The following OGA variants were observed in gnomAD, a reference collection of about 807,000 sequenced individuals.
OGA encodes the protein protein O-GlcNAcase.
OGA carries 21 observed loss-of-function variants against 102.0 expected under a neutral mutation model. The observed-to-expected ratio is 0.21, with a 90% CI of 0.15 to 0.30. OGA has a LOEUF of 0.30. Ranked by LOEUF, OGA falls within the 10% of genes least tolerant of loss-of-function variation. The pLI is 1.00. For missense variants in OGA, 765 were observed against 1,107.8 expected, an observed-to-expected ratio of 0.69 and a Z score of 4.39; for synonymous variants, 408 against 378.2, an observed-to-expected ratio of 1.08 and a Z score of -0.91.
chr10:101,816,735 T>C (rs2065630985), intron 1 of OGA, among the ~76,000 whole-genome samples: 1 of 152,216 alleles, frequency 6.6e-6, no homozygotes, highest in African/African-American at 2.4e-5. Flanking sequence ...TGCCTTACTG[T>C]AGCAGCAAAG....
intron 7 of OGA, among the ~76,000 whole-genome samples, chr10:101,802,402 G>A (rs963543420): frequency 2.0e-5 from 3 of 151,946 alleles, no homozygotes; most frequent in Non-Finnish European, 2.9e-5. Context: ...GGCTGGGCGC[G>A]ATGGCTCACG....
chr10:101,803,950 G>A lies in OGA; in HGVS notation c.821C>T (p.Ala274Val), dbSNP rs2065432140. ...ATGAATGTTATCCCAGATTACTGGA[G>A]CTCTCTTAATAATCTTAGAAACCTC... ...IEEVSKIIKRAPVIWDNIHAN... is the reference protein window; with the variant it reads ...IEEVSKIIKRVPVIWDNIHAN... The change falls in exon 7 of 16, where the codon GCT (alanine) becomes GTT (valine). Residue 274 changes from alanine (A) to valine (V), a missense_variant. This residue lies in a region of OGA where 165 missense variants were observed against 249.7 expected (regional missense o/e 0.66). Transcript: ENST00000361464. 10 of 1,613,686 alleles carry A rather than the reference G, an allele frequency of 6.2e-6. No homozygotes were observed. Among genetic ancestry groups the A allele is most frequent in the Non-Finnish European group, 6.8e-6 (8 of 1,179,570 alleles).
intron 8 of OGA, among the ~76,000 whole-genome samples, chr10:101,799,697 T>G (rs190693640): frequency 8.0e-4 from 122 of 152,316 alleles, no homozygotes; most frequent in Middle Eastern, 6.8e-3. Context: ...TTTTGAAAAT[T>G]TGTGTCTAAA....
intron 11 of OGA, chr10:101,793,712 G>T (rs557786082): frequency 4.2e-6 from 2 of 477,808 alleles, no homozygotes; most frequent in African/African-American, 4.0e-5. Flanking sequence ...TCGCAGGCGC[G>T]GGGGGGATTG....
In OGA at chr10:101,785,943, T is replaced by C. The variant is rs2135018997; in HGVS notation, c.*508A>G. The C allele has an allele frequency of 6.6e-6, 1 of 152,384 alleles. No homozygotes were observed. Among genetic ancestry groups the C allele is most frequent in the East Asian group, 1.9e-4 (1 of 5,190 alleles). 9.4% of individuals were successfully genotyped at this position (152,384 alleles called of 1,614,324 possible). A position where few individuals can be genotyped will look rare whatever the true frequency, so the allele number is the denominator to read the frequency against. ...ATAACTGCCCCAAATTGAAATTATT[T>C]ATTCAGCTTAAACTAATGCCACAAC... On this transcript the variant is annotated 3_prime_UTR_variant, in exon 16 of 16. Transcript: ENST00000361464.
At chr10:101,813,649 G>A (rs376069283) in intron 1 of OGA, 43 bp from the exon 2 acceptor site, 2 of 1,279,764 alleles carry the variant, frequency 1.6e-6, no homozygotes, top group African/African-American at 3.0e-5. Flanking sequence ...GTTTTAAAAT[G>A]TGGTAAGCTT....
chr10:101,811,405 T>TAAA (rs2065554471), intron 3 of OGA, among the ~76,000 whole-genome samples: 1 of 9,028 alleles, frequency 1.1e-4, no homozygotes, highest in Non-Finnish European at 2.8e-4. Context: ...TGAAAAAAAA[T>TAAA]GAAAAAAAAA....
At position 101,810,204 on chromosome 10, in the gene OGA, A is replaced by C; in HGVS notation, c.460T>G (p.Leu154Val). The change falls in exon 4 of 16, where the codon TTG becomes GTG. Residue 154 changes from leucine (L) to valine (V), a missense_variant. Physicochemically the swap from Leu to Val is conservative, Grantham distance 32 (BLOSUM62 1). Transcript: ENST00000361464. ...GTTACCTGGTCCAATTTACGTTTCAATGTGGATACTTCCTTGGGGTTAGAA... is the reference window on the plus strand; with the variant it reads ...GTTACCTGGTCCAATTTACGTTTCACTGTGGATACTTCCTTGGGGTTAGAA... The part of the protein sequence containing the change: ...TFSNPKEVST[L>V]KRKLDQVSQF... 1.2e-6 allele frequency: 2 copies of C among 1,611,684 alleles called. No individual in the cohort carries two copies. Among genetic ancestry groups the C allele is most frequent in the Non-Finnish European group, 1.7e-6 (2 of 1,178,822 alleles).
chr10:101,795,235 A>G (rs1030909599), intron 10 of OGA, among the ~76,000 whole-genome samples: 1 of 152,212 alleles, frequency 6.6e-6, no homozygotes, highest in African/African-American at 2.4e-5. Context: ...AGACTACAAC[A>G]TAACTAGCAC....
chr10:101,812,850 G>A (rs1453442653), intron 3 of OGA, 180 bp downstream of exon 3: 1 of 672,110 alleles, frequency 1.5e-6, no homozygotes, highest in Admixed American at 2.0e-5. Flanking sequence ...ATATGGTCAT[G>A]ACCTTGCTAG....
chr10:101,791,062 C>A lies in OGA; in HGVS notation c.2288G>T (p.Ser763Ile), dbSNP rs1313891954. Residue 763 changes from serine (S) to isoleucine (I), a missense_variant, in exon 14 of 16, where the codon AGC becomes ATC. By Grantham distance (142) the Ser-to-Ile change is moderately radical. This residue lies in a region of OGA where 146 missense variants were observed against 269.7 expected (regional missense o/e 0.54). Transcript: ENST00000361464. ...DKLVGGLLSL[S>I]LDYCFVLEDE... The stretch of plus-strand genomic sequence containing the variant: ...TTCTAGGACAAAGCAGTAATCCAGG[C>A]TGAGGGAAAGCAGCCCTCCTACTAA... The A allele has an allele frequency of 6.2e-7, 1 of 1,610,740 alleles. No homozygotes were observed. Among genetic ancestry groups the A allele is most frequent in the Non-Finnish European group, 8.5e-7 (1 of 1,179,112 alleles).
At chr10:101,804,268 T>C (rs1214834203) in intron 6 of OGA, among the ~76,000 whole-genome samples, 1 of 150,874 alleles carries the variant, frequency 6.6e-6, no homozygotes, top group Non-Finnish European at 1.5e-5. Flanking sequence ...TTTCCTTACG[T>C]GTACTTTTTT....
intron 10 of OGA, among the ~76,000 whole-genome samples, chr10:101,794,350 A>G (rs1385107906): frequency 6.6e-6 from 1 of 152,214 alleles, no homozygotes; most frequent in African/African-American, 2.4e-5. Flanking sequence ...ATTAACTAAA[A>G]TGACTGATAA....
In OGA at chr10:101,818,188, G is replaced by T; in HGVS notation, c.-166C>A. The T allele has an allele frequency of 1.5e-6, 2 of 1,353,884 alleles. No individual in the cohort carries two copies. The highest frequency in any genetic ancestry group is 1.9e-6 in the Non-Finnish European group (2 of 1,056,662). 83.9% of individuals were successfully genotyped at this position (1,353,884 alleles called of 1,614,324 possible). ...CCTCCCTCTCCGCAGGGACCCGAAT[G>T]CCCGGATGAGAAGGGCGGCGGCACC... is the stretch of plus-strand genomic sequence containing the variant. On this transcript the variant is annotated 5_prime_UTR_variant, in exon 1 of 16. Coordinates refer to ENST00000361464, the MANE Select transcript of OGA (RefSeq NM_012215.5).
chr10:101,791,115 A>AAAC, intron 13 of OGA, 27 bp from the exon 14 acceptor site: 1 of 1,571,968 alleles, frequency 6.4e-7, no homozygotes, highest in East Asian at 2.2e-5. Flanking sequence ...AGGCCACAGT[A>AAAC]AACTTTTCAG....
chr10:101,816,050 C>T (rs555390029), intron 1 of OGA, among the ~76,000 whole-genome samples: 1 of 141,336 alleles, frequency 7.1e-6, no homozygotes, highest in African/African-American at 2.6e-5. Context: ...GGCGGGCGGA[C>T]TGCCTGAGCT....
intron 4 of OGA, among the ~76,000 whole-genome samples, chr10:101,809,891 A>C (rs979074937): frequency 5.3e-5 from 8 of 151,780 alleles, no homozygotes; most frequent in African/African-American, 1.9e-4. Flanking sequence ...AAAAATACAA[A>C]AATTAGCCAG....
chr10:101,796,481 C>T (rs956229095), intron 10 of OGA, among the ~76,000 whole-genome samples: 3 of 151,836 alleles, frequency 2.0e-5, no homozygotes, highest in African/African-American at 7.3e-5. Context: ...AGGCTGGTCT[C>T]AAACTCCTGA....
In OGA at chr10:101,798,019, T is replaced by A; in HGVS notation, c.1945A>T (p.Ser649Cys). The A allele has an allele frequency of 6.2e-7, 1 of 1,613,904 alleles. No homozygotes were observed. Among genetic ancestry groups the A allele is most frequent in the Non-Finnish European group, 8.5e-7 (1 of 1,179,876 alleles). ...AAAGACTTCACCATAGACATTATAC[T>A]CTTGATATCCCAAACATAGGAGTAC... ...DMYSYVWDIK[S>C]IMSMVKSFVQ... The change falls in exon 10 of 16, where the codon AGT becomes TGT. Residue 649 changes from serine to cysteine, a missense_variant. Physicochemically the swap from Ser to Cys is moderately radical, Grantham distance 112. This residue lies in a region of OGA where 281 missense variants were observed against 345.8 expected (regional missense o/e 0.81). Coordinates refer to ENST00000361464, the MANE Select transcript of OGA (RefSeq NM_012215.5).
Sources: gnomAD v4.1 joint callset for allele counts (sites outside exome capture counted in the v4.1 genomes callset) on GRCh38, gnomAD v4.1.1 for gene constraint, gnomAD v4.1.1 regional missense constraint, MANE v1.5 for transcripts, NCBI Gene and HGNC (gene_info 2026-07-23, HGNC 2026-07-21) for gene names.